SARAF: variants seen among roughly 807,000 people sequenced by gnomAD.
SARAF encodes the protein store-operated calcium entry associated regulatory factor.
SARAF carries 23 observed loss-of-function variants against 39.7 expected under a neutral mutation model. The ratio of observed to expected loss-of-function variants is 0.58; its 90% CI spans 0.42 to 0.82. SARAF has a LOEUF of 0.82. Ranked by LOEUF, SARAF falls within the 40% of genes least tolerant of loss-of-function variation. SARAF has a pLI of 0.00. For synonymous variants in SARAF, 175 were observed against 168.5 expected (o/e 1.04, Z -0.30); for missense variants, 384 against 418.5 (o/e 0.92, Z 0.72).
In SARAF at chr8:30,069,734, G is replaced by A. The variant is rs561853962; in HGVS notation, c.608C>T (p.Pro203Leu). The stretch of plus-strand genomic sequence containing the variant: ...GGAAAATGGAGGATACTCAGAGTAC[G>A]GTGGAGGAGAATACTGCCCGTCACT... ...FLSDGQYSPP[P>L]YSEYPPFSHR... The change falls in exon 3 of 6, where the codon CCG (proline) becomes CTG (leucine). Residue 203 changes from proline to leucine, a missense_variant. Pro to Leu is a moderately conservative substitution (Grantham distance 98). Coordinates refer to ENST00000256255, the MANE Select transcript of SARAF (RefSeq NM_016127.6). 10 of 1,614,122 alleles carry A rather than the reference G, an allele frequency of 6.2e-6. No individual in the cohort carries two copies. The highest frequency in any genetic ancestry group is 5.3e-5 in the African/African-American group (4 of 75,028).
At chr8:30,065,923 A>G (rs774153382) in intron 5 of SARAF, 65 bp downstream of exon 5, 3 of 1,592,698 alleles carry the variant, frequency 1.9e-6, no homozygotes, top group South Asian at 2.2e-5. Flanking sequence ...ATCATCTTCT[A>G]AAGTTCCCAA....
chr8:30,069,518 AAAC>A, intron 3 of SARAF, 121 bp downstream of exon 3: 1 of 1,051,034 alleles, frequency 9.5e-7, no homozygotes, highest in South Asian at 1.6e-5. Flanking sequence ...TGAAAGTAAA[AAAC>A]AAAATGAGAA....
intron 1 of SARAF, among the ~76,000 whole-genome samples, chr8:30,075,057 T>C (rs540491759): frequency 2.2e-4 from 33 of 152,246 alleles, no homozygotes; most frequent in African/African-American, 6.3e-4. Context: ...TCCCAGCACT[T>C]TGGGAGGCCG....
Position 30,073,761 on chromosome 8 carries a change from T to A in SARAF, c.282+116A>T, listed in dbSNP as rs74811196. On this transcript the variant is annotated intron_variant, in intron 2 of 5. Coordinates refer to ENST00000256255, the MANE Select transcript of SARAF (RefSeq NM_016127.6). The stretch of plus-strand genomic sequence containing the variant: ...AAGAGTGATTGATTTACTTACATAT[T>A]TTAGGCTGATCTGAGATTTCCGTAG... 1,641 of 802,322 alleles carry A rather than the reference T, an allele frequency of 2.0e-3. 28 individuals carry two copies. The African/African-American group carries it at 0.026, about 13-fold the overall frequency. 49.7% of individuals were successfully genotyped at this position (802,322 alleles called of 1,614,324 possible).
intron 2 of SARAF, 123 bp from the exon 3 acceptor site, chr8:30,070,182 G>A: frequency 2.4e-6 from 2 of 822,198 alleles, no homozygotes; most frequent in Admixed American, 2.6e-5. Flanking sequence ...GGCCAAGGCG[G>A]GTGGATCACG....
rs376738645 is a variant in SARAF at position 30,069,733 on chromosome 8, C to A, written c.609G>T (p.Pro203=). ...GGGAAAATGGAGGATACTCAGAGTA[C>A]GGTGGAGGAGAATACTGCCCGTCAC... is the stretch of plus-strand genomic sequence containing the variant. ...FLSDGQYSPP[P]YSEYPPFSHR... Residue 203 remains proline, a synonymous_variant, in exon 3 of 6, where the codon CCG becomes CCT. Coordinates refer to ENST00000256255, the MANE Select transcript of SARAF (RefSeq NM_016127.6). 6.2e-7 allele frequency: 1 copy of A among 1,614,012 alleles called. No individual in the cohort carries two copies. Among genetic ancestry groups the A allele is most frequent in the Non-Finnish European group, 8.5e-7 (1 of 1,179,972 alleles).
At chr8:30,065,408 T>C (rs1378474756) in intron 5 of SARAF, among the ~76,000 whole-genome samples, 1 of 152,194 alleles carries the variant, frequency 6.6e-6, no homozygotes, top group East Asian at 1.9e-4. Flanking sequence ...AATATATTTT[T>C]CTATCAATTT....
intron 3 of SARAF, 46 bp downstream of exon 3, chr8:30,069,596 T>A: frequency 6.5e-7 from 1 of 1,532,894 alleles, no homozygotes; most frequent in Non-Finnish European, 8.8e-7. Context: ...CAGGATGCAC[T>A]AACCTCACAC....
chr8:30,078,312 A>G, intron 1 of SARAF: 2 of 429,054 alleles, frequency 4.7e-6, no homozygotes, highest in Non-Finnish European at 9.1e-6. Flanking sequence ...TAATTCAAGA[A>G]AAGTTCCCAC....
At position 30,066,807 on chromosome 8, in the gene SARAF, C is replaced by A; in HGVS notation, c.812G>T (p.Gly271Val). Residue 271 changes from glycine (G) to valine (V), a missense_variant, in exon 4 of 6, where the codon GGA becomes GTA. Physicochemically the swap from Gly to Val is moderately radical, Grantham distance 109. Transcript: ENST00000256255. ...PGFWTGLGTG[G>V]ILGYLFGSNR... ...GCTGCCAAACAAATATCCTAGTATT[C>A]CACCAGTTCCCAAGCCTGTCCAGAA... 6.2e-7 allele frequency: 1 copy of A among 1,614,156 alleles called. No homozygotes were observed. The highest frequency in any genetic ancestry group is 8.5e-7 in the Non-Finnish European group (1 of 1,180,020).
chr8:30,069,171 G>A (rs931240191), intron 3 of SARAF, among the ~76,000 whole-genome samples: 15 of 113,318 alleles, frequency 1.3e-4, no homozygotes, highest in Non-Finnish European at 2.0e-4. Context: ...ACAGGGTCTC[G>A]CTCTGTCACT....
rs1324834802 is a variant in SARAF, at chr8:30,069,655, C to T, written c.687G>A (p.Lys229=). The T allele has an allele frequency of 6.2e-7, 1 of 1,613,984 alleles. No homozygotes were observed. Among genetic ancestry groups the T allele is most frequent in the East Asian group, 2.2e-5 (1 of 44,880 alleles). Residue 229 remains lysine (K), a synonymous_variant, in exon 3 of 6, where the codon AAG becomes AAA. Transcript: ENST00000256255. ...NSAGPPPPGF[K]SEFTGPQNTG... is the part of the protein sequence containing the mutation. ...AGGGAAACATACCTGTGAACTCAGA[C>T]TTAAAGCCTGGGGGAGGAGGTCCTG...
intron 4 of SARAF, 45 bp downstream of exon 4, chr8:30,066,732 G>A: frequency 2.5e-6 from 4 of 1,607,168 alleles, no homozygotes; most frequent in East Asian, 2.2e-5. Flanking sequence ...AGCAAAACAA[G>A]CCTCTTGAAT....
chr8:30,077,873 G>A (rs986791822), intron 1 of SARAF, among the ~76,000 whole-genome samples: 11 of 151,786 alleles, frequency 7.2e-5, no homozygotes, highest in Non-Finnish European at 1.5e-4. Context: ...TGGGCACAGT[G>A]GCTCACGTGT....
chr8:30,066,820 A>C lies in SARAF; in HGVS notation c.799T>G (p.Leu267Val). Reference sequence around the variant, plus strand: ...TATCCTAGTATTCCACCAGTTCCCAAGCCTGTCCAGAACCCTGGTCCTGAA... The same window carrying C: ...TATCCTAGTATTCCACCAGTTCCCACGCCTGTCCAGAACCCTGGTCCTGAA... ...ENSGPGFWTG[L>V]GTGGILGYLF... The change falls in exon 4 of 6, where the codon TTG (leucine) becomes GTG (valine). Residue 267 changes from leucine (L) to valine (V), a missense_variant. Leu to Val is a conservative substitution (Grantham distance 32). Coordinates refer to ENST00000256255, the MANE Select transcript of SARAF (RefSeq NM_016127.6). 1 of 1,614,188 alleles carries C rather than the reference A, an allele frequency of 6.2e-7. No individual in the cohort carries two copies. The highest frequency in any genetic ancestry group is 8.5e-7 in the Non-Finnish European group (1 of 1,180,024).
rs1199470180 is a variant in SARAF at position 30,063,577 on chromosome 8, T to C, written c.*311A>G. 2.5e-6 allele frequency: 1 copy of C among 394,722 alleles called. No homozygotes were observed. The highest frequency in any genetic ancestry group is 2.1e-5 in the African/African-American group (1 of 47,992). 24.5% of individuals were successfully genotyped at this position (394,722 alleles called of 1,614,324 possible). A position where few individuals can be genotyped will look rare whatever the true frequency, so the allele number is the denominator to read the frequency against. ...AGTTTCTATTAGTACAACACCTTCA[T>C]TCTTAATGCTTCTTAGGGCATCACA... is the stretch of plus-strand genomic sequence containing the variant. On this transcript the variant is annotated 3_prime_UTR_variant, in exon 6 of 6. Coordinates refer to ENST00000256255, the MANE Select transcript of SARAF (RefSeq NM_016127.6).
intron 3 of SARAF, 164 bp from the exon 4 acceptor site, chr8:30,067,082 T>A: frequency 1.4e-6 from 1 of 716,606 alleles, no homozygotes; most frequent in South Asian, 2.0e-5. Context: ...TGTAAAATAC[T>A]GGTTTATAAT....
At chr8:30,075,558 T>C (rs147798087) in intron 1 of SARAF, among the ~76,000 whole-genome samples, 17 of 152,318 alleles carry the variant, frequency 1.1e-4, no homozygotes, top group Non-Finnish European at 2.2e-4. Flanking sequence ...CCTAGACTTA[T>C]ACAGTGCTCT....
chr8:30,075,814 G>T (rs1801944782), intron 1 of SARAF, among the ~76,000 whole-genome samples: 1 of 151,906 alleles, frequency 6.6e-6, no homozygotes, highest in Admixed American at 6.6e-5. Context: ...TTGTTTTGAT[G>T]ATGTGAATGA....
Sources: allele counts gnomAD v4.1 joint callset (sites outside exome capture counted in the v4.1 genomes callset), GRCh38; gene constraint gnomAD v4.1.1; transcripts MANE v1.5; gene names NCBI Gene and HGNC (gene_info 2026-07-23, HGNC 2026-07-21).